Variants in MRC2 observed in about 807,000 individuals in gnomAD.
The protein encoded by MRC2 is C-type mannose receptor 2.
Under a neutral mutation model 206.2 loss-of-function variants are expected in MRC2, and 84 were observed. The ratio of observed to expected loss-of-function variants is 0.41; its 90% CI spans 0.34 to 0.49. MRC2 has a LOEUF of 0.49. Ranked by LOEUF, MRC2 falls within the 20% of genes least tolerant of loss-of-function variation. The probability of loss-of-function intolerance (pLI) is 0.31; values close to 1 mark genes in which losing one functional copy is unlikely to be tolerated. For synonymous variants in MRC2, 798 were observed against 800.0 expected, an observed-to-expected ratio of 1.00 and a Z score of 0.04; for missense variants, 1,676 against 2,001.5, an observed-to-expected ratio of 0.84 and a Z score of 3.10.
At chr17:62,648,235 C>G (rs537136272) in intron 1 of MRC2, among the ~76,000 whole-genome samples, 181 of 152,344 alleles carry the variant, frequency 1.2e-3, no homozygotes, top group African/African-American at 4.2e-3. Flanking sequence ...GAAACCCCAT[C>G]TCTACTAAAA....
chr17:62,676,629 A>G, intron 11 of MRC2, 98 bp downstream of exon 11: 2 of 1,423,670 alleles, frequency 1.4e-6, no homozygotes, highest in South Asian at 2.8e-5. Context: ...CCATAAACAG[A>G]TCATTGGTGC....
chr17:62,680,702 G>A lies in MRC2; in HGVS notation c.2474-98G>A. ...CGGTGTGCCTGCAGGCTCGCCTGCT[G>A]CCGCCTGGCTCTGCCCCGGCCCTGC... On this transcript the variant is annotated intron_variant, in intron 16 of 29. Transcript: ENST00000303375. This position sits in a 1 kb window ranked among gnomAD's most constrained non-coding sequence, Gnocchi z 4.8. The A allele has an allele frequency of 1.5e-6, 2 of 1,372,128 alleles. No homozygotes were observed. The highest frequency in any genetic ancestry group is 1.6e-5 in the South Asian group (1 of 61,500). 85.0% of individuals were successfully genotyped at this position (1,372,128 alleles called of 1,614,324 possible).
chr17:62,646,106 G>C (rs1419833295), intron 1 of MRC2, among the ~76,000 whole-genome samples: 3 of 147,766 alleles, frequency 2.0e-5, no homozygotes, highest in African/African-American at 7.6e-5. Context: ...CTCACTGCAA[G>C]CTCTGCCTCC....
At chr17:62,678,947 C>T (rs2088927532) in intron 13 of MRC2, among the ~76,000 whole-genome samples, 2 of 152,226 alleles carry the variant, frequency 1.3e-5, no homozygotes, top group South Asian at 2.1e-4. Flanking sequence ...ATATGTACCC[C>T]CCACCCCATT....
At chr17:62,682,108 C>A in intron 19 of MRC2, 127 bp from the exon 20 acceptor site, 1 of 1,172,334 alleles carries the variant, frequency 8.5e-7, no homozygotes, top group East Asian at 2.6e-5. Context: ...GACTTGAATT[C>A]GGAGCTGGAC....
chr17:62,649,160 A>G (rs1280911124), intron 1 of MRC2, among the ~76,000 whole-genome samples: 1 of 152,206 alleles, frequency 6.6e-6, no homozygotes, highest in Non-Finnish European at 1.5e-5. Flanking sequence ...GCCCTCCACC[A>G]TGGTGCCTCC....
intron 1 of MRC2, among the ~76,000 whole-genome samples, chr17:62,631,984 G>A (rs760339431): frequency 6.6e-6 from 1 of 152,144 alleles, no homozygotes; most frequent in Non-Finnish European, 1.5e-5. Flanking sequence ...CCTGAGCACT[G>A]CTGATAGGAA....
In MRC2 at chr17:62,691,002, C is replaced by T. The variant is rs891644388; in HGVS notation, c.4066C>T (p.Pro1356Ser). 3.7e-6 allele frequency: 6 copies of T among 1,607,500 alleles called. No homozygotes were observed. The African/African-American group carries it at 5.4e-5, about 14-fold the overall frequency. ...AGCTGTGAACTACTCCAACTGGGGG[C>T]CCCCGGGCTTGGGCCCCAGCATGCT... Reference protein sequence around the residue: ...NTAVNYSNWGPPGLGPSMLSH... With the variant: ...NTAVNYSNWGSPGLGPSMLSH... The change falls in exon 28 of 30, where the codon CCC becomes TCC. Residue 1356 changes from proline to serine, a missense_variant. Pro to Ser is a moderately conservative substitution (Grantham distance 74). This residue lies in a region of MRC2 where 1,354 missense variants were observed against 1,636.6 expected (regional missense o/e 0.83). Coordinates refer to ENST00000303375, the MANE Select transcript of MRC2 (RefSeq NM_006039.5).
chr17:62,679,344 T>C (rs916797262), intron 13 of MRC2: 1 of 160,600 alleles, frequency 6.2e-6, no homozygotes, highest in Admixed American at 5.8e-5. Flanking sequence ...GACAACCCTA[T>C]GGAGCAGACG....
At chr17:62,661,029 A>G (rs1046047605) in intron 1 of MRC2, among the ~76,000 whole-genome samples, 2 of 152,330 alleles carry the variant, frequency 1.3e-5, no homozygotes, top group South Asian at 2.1e-4. Context: ...GGATCTCTCT[A>G]AAGATGTTAC....
chr17:62,628,864 C>T (rs762284286), intron 1 of MRC2, among the ~76,000 whole-genome samples: 8 of 152,102 alleles, frequency 5.3e-5, no homozygotes, highest in Non-Finnish European at 1.2e-4. Flanking sequence ...CCCGGCCCAG[C>T]TTGGTCCTGC....
rs143931793 is a variant in MRC2, at chr17:62,692,021, C to T, written c.4193-91C>T. The T allele has an allele frequency of 6.6e-4, 1,034 of 1,565,464 alleles. 8 individuals carry two copies. The African/African-American group carries it at 0.013, about 19-fold the overall frequency. On this transcript the variant is annotated intron_variant, in intron 28 of 29. Coordinates refer to ENST00000303375, the MANE Select transcript of MRC2 (RefSeq NM_006039.5). This position sits in a 1 kb window ranked among gnomAD's most constrained non-coding sequence, Gnocchi z 4.2. ...AGAGCCTCTTTCTCCCCAGACCTCC[C>T]GGCCCAGGCCTGTGTGCTTTGTATG... is the stretch of plus-strand genomic sequence containing the variant.
chr17:62,655,459 G>C (rs1323546051), intron 1 of MRC2, among the ~76,000 whole-genome samples: 1 of 151,372 alleles, frequency 6.6e-6, no homozygotes, highest in African/African-American at 2.4e-5. Flanking sequence ...GGAGAATGGT[G>C]TGAACCCTGG....
intron 20 of MRC2, among the ~76,000 whole-genome samples, chr17:62,686,077 C>T (rs535591010): frequency 4.1e-4 from 62 of 152,246 alleles, no homozygotes; most frequent in African/African-American, 1.3e-3. Flanking sequence ...TGTTCCACCT[C>T]AGATCATCAG....
At position 62,675,247 on chromosome 17, in the gene MRC2, C is replaced by A. The variant is rs754021854; in HGVS notation, c.1570-543C>A. On this transcript the variant is annotated intron_variant, in intron 9 of 29. Coordinates refer to ENST00000303375, the MANE Select transcript of MRC2 (RefSeq NM_006039.5). This position sits in a 1 kb window ranked among gnomAD's most constrained non-coding sequence, Gnocchi z 4.1. ...AGCCCCTGCCAGCAGATGAGGCCCC[C>A]ACCACACATACCACATCTGCTTCTC... Among the ~76,000 whole-genome samples the A allele has an allele frequency of 6.6e-6, 1 of 152,108 alleles. No individual in the cohort carries two copies. The highest frequency in any genetic ancestry group is 2.4e-5 in the African/African-American group (1 of 41,420).
chr17:62,657,818 C>T (rs776029297), intron 1 of MRC2, among the ~76,000 whole-genome samples: 1 of 152,182 alleles, frequency 6.6e-6, no homozygotes, highest in Non-Finnish European at 1.5e-5. Context: ...CCTGAGCGTG[C>T]ACTCCCCCTC....
At chr17:62,682,881 A>G (rs560358614) in intron 20 of MRC2, among the ~76,000 whole-genome samples, 2 of 152,142 alleles carry the variant, frequency 1.3e-5, no homozygotes, top group South Asian at 4.2e-4. Context: ...AACTCAGGTG[A>G]TCACCTGCCT....
intron 2 of MRC2, 94 bp downstream of exon 2, chr17:62,665,043 C>T (rs1221332089): frequency 7.5e-7 from 1 of 1,335,456 alleles, no homozygotes; most frequent in African/African-American, 1.5e-5. Context: ...GGCCTTTGGC[C>T]TCTGTGGACC....
At chr17:62,682,086 C>T (rs1190296631) in intron 19 of MRC2, 149 bp downstream of exon 19, 3 of 1,098,736 alleles carry the variant, frequency 2.7e-6, no homozygotes, top group Non-Finnish European at 3.9e-6. Context: ...GACCTGTCTC[C>T]ATGGTCCAGA....
Sources: allele counts gnomAD v4.1 joint callset (sites outside exome capture counted in the v4.1 genomes callset), GRCh38; gene constraint gnomAD v4.1.1; regional missense constraint gnomAD v4.1.1; non-coding constraint Gnocchi (gnomAD v3.1); transcripts MANE v1.5; gene names NCBI Gene and HGNC (gene_info 2026-07-23, HGNC 2026-07-21).